IPO5: variants seen among roughly 807,000 people sequenced by gnomAD.
IPO5 encodes the protein importin 5.
Under a neutral mutation model 143.3 loss-of-function variants are expected in IPO5, and 18 were observed. The observed-to-expected ratio is 0.13, with a 90% CI of 0.09 to 0.19. The LOEUF is 0.19. IPO5 is among the 10% of genes least tolerant of loss of function. The probability of loss-of-function intolerance (pLI) is 1.00; values close to 1 mark genes in which losing one functional copy is unlikely to be tolerated. For missense variants in IPO5, 1,013 were observed against 1,336.9 expected, an observed-to-expected ratio of 0.76 and a Z score of 3.78; for synonymous variants, 477 against 465.7, an observed-to-expected ratio of 1.02 and a Z score of -0.31.
chr13:98,005,174 G>A (rs1889118425), intron 16 of IPO5, among the ~76,000 whole-genome samples: 1 of 150,614 alleles, frequency 6.6e-6, no homozygotes, highest in South Asian at 2.1e-4. Flanking sequence ...TGGGATTACA[G>A]GTGTGAGTCA....
intron 16 of IPO5, among the ~76,000 whole-genome samples, chr13:98,004,720 G>T (rs1396785902): frequency 6.6e-6 from 1 of 152,124 alleles, no homozygotes; most frequent in African/African-American, 2.4e-5. Context: ...TGGAGCAGAG[G>T]TTGAGGTACA....
At chr13:97,986,324 C>CAT (rs1887339628) in intron 6 of IPO5, among the ~76,000 whole-genome samples, 1 of 152,066 alleles carries the variant, frequency 6.6e-6, no homozygotes, top group Admixed American at 6.5e-5. Context: ...CAAATATATA[C>CAT]ATATACTGTT....
Position 97,990,178 on chromosome 13 carries a change from A to G in IPO5, c.520A>G (p.Lys174Glu). The G allele has an allele frequency of 6.2e-7, 1 of 1,613,582 alleles. No individual in the cohort carries two copies. Among genetic ancestry groups the G allele is most frequent in the Non-Finnish European group, 8.5e-7 (1 of 1,179,560 alleles). ...NQQQHYLDVI[K>E]RMLVQCMQDQ... Reference sequence around the variant, plus strand: ...GCAACAACACTATTTAGATGTCATCAAACGAATGTTAGTTCAGTGTATGCA... The same window carrying G: ...GCAACAACACTATTTAGATGTCATCGAACGAATGTTAGTTCAGTGTATGCA... Residue 174 changes from lysine to glutamate, a missense_variant, in exon 8 of 29, where the codon AAA becomes GAA. Physicochemically the swap from Lys to Glu is moderately conservative, Grantham distance 56. This residue lies in a region of IPO5 where 328 missense variants were observed against 342.0 expected (regional missense o/e 0.96). Transcript: ENST00000651721.
intron 2 of IPO5, among the ~76,000 whole-genome samples, chr13:97,959,058 G>A (rs897650547): frequency 1.4e-4 from 22 of 152,042 alleles, no homozygotes; most frequent in Non-Finnish European, 1.2e-4. Context: ...TGTAATCCCA[G>A]CTACTCGGGA....
At chr13:97,977,611 A>G (rs1374500992) in intron 4 of IPO5, among the ~76,000 whole-genome samples, 1 of 151,848 alleles carries the variant, frequency 6.6e-6, no homozygotes, top group African/African-American at 2.4e-5. Context: ...TTTTCAAACC[A>G]CCTCTTGTTC....
At chr13:97,993,733 T>C (rs1048246145) in intron 11 of IPO5, among the ~76,000 whole-genome samples, 3 of 152,230 alleles carry the variant, frequency 2.0e-5, no homozygotes, top group African/African-American at 7.2e-5. Flanking sequence ...TTAAGTTTCA[T>C]TGTGCTGGGA....
intron 13 of IPO5, 121 bp downstream of exon 13, chr13:98,000,766 C>G: frequency 1.5e-6 from 1 of 661,628 alleles, no homozygotes; most frequent in Non-Finnish European, 2.7e-6. Flanking sequence ...ATATTTAACC[C>G]AATTCATTTA....
intron 3 of IPO5, among the ~76,000 whole-genome samples, chr13:97,970,200 A>G (rs957781480): frequency 6.6e-6 from 1 of 152,244 alleles, no homozygotes; most frequent in Admixed American, 6.5e-5. Flanking sequence ...ATTTAACAAT[A>G]GTTTATCAAT....
At position 97,976,634 on chromosome 13, in the gene IPO5, G is replaced by A. The variant is rs547155152; in HGVS notation, c.-4-59G>A. On this transcript the variant is annotated intron_variant, in intron 3 of 28. Transcript: ENST00000651721. Reference sequence around the variant, plus strand: ...CTGGGCCCGCCCCCGCCCCTCCCGCGGCCCGCGAGCGCGCCTCACGGCTCC... The same window carrying A: ...CTGGGCCCGCCCCCGCCCCTCCCGCAGCCCGCGAGCGCGCCTCACGGCTCC... 245 of 680,488 alleles carry A rather than the reference G, an allele frequency of 3.6e-4. 5 individuals carry two copies. In the East Asian group the frequency reaches 0.024, roughly 67 times the overall value. 42.2% of individuals were successfully genotyped at this position (680,488 alleles called of 1,614,324 possible). A position where few individuals can be genotyped will look rare whatever the true frequency, so the allele number is the denominator to read the frequency against.
intron 16 of IPO5, among the ~76,000 whole-genome samples, chr13:98,005,198 CTT>C (rs1172863199): frequency 7.0e-6 from 1 of 142,898 alleles, no homozygotes; most frequent in Non-Finnish European, 1.5e-5. Context: ...TGCCTGGCTT[CTT>C]TTTTTTTTTT....
At chr13:98,000,494 T>C in intron 12 of IPO5, 45 bp from the exon 13 acceptor site, 2 of 1,204,786 alleles carry the variant, frequency 1.7e-6, no homozygotes, top group African/African-American at 3.0e-5. Flanking sequence ...CTATTTCTTT[T>C]GTGTTTCAGA....
intron 26 of IPO5, among the ~76,000 whole-genome samples, chr13:98,019,009 G>T (rs557067306): frequency 1.3e-5 from 2 of 151,924 alleles, no homozygotes; most frequent in East Asian, 3.9e-4. Context: ...AGGCTGGAGT[G>T]CAGTGGCATG....
intron 11 of IPO5, among the ~76,000 whole-genome samples, chr13:97,995,985 G>T (rs781744863): frequency 3.9e-5 from 6 of 152,204 alleles, no homozygotes; most frequent in African/African-American, 1.2e-4. Context: ...CACCATAAAT[G>T]AACTGAAAAA....
intron 2 of IPO5, among the ~76,000 whole-genome samples, chr13:97,956,763 G>A (rs1884492032): frequency 6.6e-6 from 1 of 152,160 alleles, no homozygotes; most frequent in Admixed American, 6.6e-5. Flanking sequence ...CAAGCCAAGT[G>A]ATTTGTAAAA....
At chr13:98,003,544 A>G (rs1888970052) in intron 16 of IPO5, among the ~76,000 whole-genome samples, 1 of 152,142 alleles carries the variant, frequency 6.6e-6, no homozygotes, top group Non-Finnish European at 1.5e-5. Flanking sequence ...TGTTTCTGGC[A>G]GTTTGAATTT....
At chr13:97,994,431 A>G (rs1888064461) in intron 11 of IPO5, among the ~76,000 whole-genome samples, 1 of 152,260 alleles carries the variant, frequency 6.6e-6, no homozygotes, top group Non-Finnish European at 1.5e-5. Flanking sequence ...ATCCTTAGAT[A>G]TGAGAACATT....
chr13:97,975,381 T>G (rs1886186387), intron 3 of IPO5, among the ~76,000 whole-genome samples: 1 of 151,968 alleles, frequency 6.6e-6, no homozygotes, highest in African/African-American at 2.4e-5. Context: ...ATCCCAGGTA[T>G]TTGGGAGGCT....
chr13:97,998,149 G>C (rs961754900), intron 12 of IPO5, among the ~76,000 whole-genome samples: 1 of 152,130 alleles, frequency 6.6e-6, no homozygotes, highest in Non-Finnish European at 1.5e-5. Flanking sequence ...CTAATTTTTT[G>C]TATTTTTAGT....
chr13:97,999,140 C>T (rs569536202), intron 12 of IPO5, among the ~76,000 whole-genome samples: 1 of 151,496 alleles, frequency 6.6e-6, no homozygotes, highest in Non-Finnish European at 1.5e-5. Context: ...AAGACTCCAT[C>T]TCAAAAAAAA....
Sources: allele counts gnomAD v4.1 joint callset (sites outside exome capture counted in the v4.1 genomes callset), GRCh38; gene constraint gnomAD v4.1.1; regional missense constraint gnomAD v4.1.1; transcripts MANE v1.5; gene names NCBI Gene and HGNC (gene_info 2026-07-23, HGNC 2026-07-21).